SOX6: variants seen among roughly 807,000 people sequenced by gnomAD.
The protein encoded by SOX6 is transcription factor SOX-6.
Under a neutral mutation model 97.8 loss-of-function variants are expected in SOX6, and 11 were observed. The ratio of observed to expected loss-of-function variants is 0.11; its 90% CI spans 0.07 to 0.19. SOX6 has a LOEUF of 0.19. SOX6 is among the 10% of genes least tolerant of loss of function. The pLI is 1.00. For missense variants in SOX6, 810 were observed against 1,039.5 expected (o/e 0.78, Z 3.04); for synonymous variants, 360 against 371.4 (o/e 0.97, Z 0.35).
intron 15 of SOX6, among the ~76,000 whole-genome samples, chr11:15,978,709 C>T (rs1447769110): frequency 2.7e-5 from 4 of 147,010 alleles, no homozygotes; most frequent in Admixed American, 6.8e-5. Context: ...GTAAGCCCTT[C>T]GCTCCTAAAT....
intron 3 of SOX6, among the ~76,000 whole-genome samples, chr11:16,296,388 A>G (rs1855089646): frequency 6.6e-6 from 1 of 152,156 alleles, no homozygotes; most frequent in African/African-American, 2.4e-5. Flanking sequence ...AACAATGCAC[A>G]AGTTGTGTTG....
chr11:16,488,762 G>T (rs1191950557), intron 4 of SOX6, among the ~76,000 whole-genome samples: 1 of 152,166 alleles, frequency 6.6e-6, no homozygotes, highest in Admixed American at 6.5e-5. Flanking sequence ...CACGTGGAGA[G>T]ATCCTGCTTA....
chr11:16,585,319 A>C (rs1848079136), intron 4 of SOX6, among the ~76,000 whole-genome samples: 1 of 152,156 alleles, frequency 6.6e-6, no homozygotes, highest in Admixed American at 6.6e-5. Context: ...CTTATATGAC[A>C]CCTATTCTTA....
At chr11:16,152,799 GC>G (rs1850491952) in intron 6 of SOX6, among the ~76,000 whole-genome samples, 1 of 150,770 alleles carries the variant, frequency 6.6e-6, no homozygotes, top group Non-Finnish European at 1.5e-5. Flanking sequence ...TCACTCTATC[GC>G]CCAGGCGATT....
intron 4 of SOX6, among the ~76,000 whole-genome samples, chr11:16,578,112 C>T (rs1847999916): frequency 1.3e-5 from 2 of 152,060 alleles, no homozygotes; most frequent in Admixed American, 6.6e-5. Flanking sequence ...GAGGAAGGGT[C>T]CAACTTTATT....
chr11:16,195,867 C>T (rs10766301), intron 4 of SOX6, among the ~76,000 whole-genome samples: 47,022 of 152,014 alleles, frequency 0.31, 8,760 homozygotes, highest in Non-Finnish European at 0.41. Flanking sequence ...CCTGCTGCCC[C>T]GGGTGCAGTG....
chr11:16,558,171 A>AT (rs1470965313), intron 4 of SOX6, among the ~76,000 whole-genome samples: 3 of 151,982 alleles, frequency 2.0e-5, no homozygotes, highest in African/African-American at 7.2e-5. Context: ...AATAGTGGTC[A>AT]TAGTAGGACT....
intron 4 of SOX6, among the ~76,000 whole-genome samples, chr11:16,524,413 T>C (rs1372577461): frequency 6.6e-6 from 1 of 152,030 alleles, no homozygotes; most frequent in Non-Finnish European, 1.5e-5. Context: ...AAAAGGCCTT[T>C]GACAAAATTC....
intron 10 of SOX6, among the ~76,000 whole-genome samples, chr11:16,051,675 A>G (rs1847689792): frequency 1.3e-5 from 2 of 152,130 alleles, no homozygotes; most frequent in Admixed American, 6.6e-5. Flanking sequence ...AGGGATTTAT[A>G]TGCTAGGTGT....
rs1860650585 is a variant in SOX6 at position 16,498,635 on chromosome 11, C to CA, written n.610-22248dup. On this transcript the variant is annotated intron_variant and non_coding_transcript_variant, in intron 4 of 5. Coordinates refer to the SOX6 transcript ENST00000524520. ...GAAGATCTACCAAACAAATGGAAAA[C>CA]AAAAAAAGGCAGCAGTTGCAATCCC... Among the ~76,000 whole-genome samples, 4 of 151,728 alleles carry CA rather than the reference C, an allele frequency of 2.6e-5. No homozygotes were observed. In the South Asian group the frequency reaches 8.3e-4, roughly 32 times the overall value.
At chr11:16,215,447 A>G (rs1852346937) in intron 4 of SOX6, among the ~76,000 whole-genome samples, 1 of 152,162 alleles carries the variant, frequency 6.6e-6, no homozygotes, top group African/African-American at 2.4e-5. Flanking sequence ...TAAACACAGA[A>G]ATACATATGC....
chr11:16,159,774 T>G (rs984778868), intron 6 of SOX6, among the ~76,000 whole-genome samples: 1 of 152,286 alleles, frequency 6.6e-6, no homozygotes, highest in Non-Finnish European at 1.5e-5. Flanking sequence ...ACAATCAGAC[T>G]TTTGATAAGT....
chr11:16,576,541 A>C (rs918261654), intron 4 of SOX6, among the ~76,000 whole-genome samples: 4 of 152,238 alleles, frequency 2.6e-5, no homozygotes, highest in African/African-American at 9.6e-5. Context: ...CTGTAATATC[A>C]TAAAATGATG....
intron 3 of SOX6, among the ~76,000 whole-genome samples, chr11:16,617,485 T>G (rs1848486137): frequency 6.6e-6 from 1 of 151,908 alleles, no homozygotes; most frequent in Non-Finnish European, 1.5e-5. Flanking sequence ...TTAACTATGT[T>G]CACTAGAATT....
At position 16,029,529 on chromosome 11, in the gene SOX6, G is replaced by A. The variant is rs551025561; in HGVS notation, c.1624-14479C>T. On this transcript the variant is annotated intron_variant, in intron 12 of 15. Transcript: ENST00000683767. ...CGGGCTCCTGTAATCCGAGGCACTC[G>A]GGAGGCTGAGGCAGGAGAATCACCT... 9.2e-4 allele frequency among the ~76,000 whole-genome samples: 140 copies of A among 152,140 alleles called. 1 individual carries two copies. The highest frequency in any genetic ancestry group is 3.4e-3 in the Middle Eastern group (1 of 294).
At position 16,301,423 on chromosome 11, in the gene SOX6, A is replaced by G. The variant is rs140955350; in HGVS notation, c.445+17023T>C. The stretch of plus-strand genomic sequence containing the variant: ...TATATCTACTATACCATAGTTCTCA[A>G]TTGTTGGTGTGCATCTGAAATACGT... On this transcript the variant is annotated intron_variant, in intron 3 of 15. Coordinates refer to ENST00000683767, the MANE Select transcript of SOX6 (RefSeq NM_001367873.1). 2.3e-4 allele frequency among the ~76,000 whole-genome samples: 35 copies of G among 152,294 alleles called. No homozygotes were observed. The East Asian group carries it at 4.1e-3, about 18-fold the overall frequency.
chr11:16,035,513 C>T (rs1855496625), intron 12 of SOX6, among the ~76,000 whole-genome samples: 1 of 152,116 alleles, frequency 6.6e-6, no homozygotes, highest in Non-Finnish European at 1.5e-5. Flanking sequence ...CAAAGAAAGC[C>T]TCTTAGGAAA....
intron 3 of SOX6, among the ~76,000 whole-genome samples, chr11:16,645,564 G>C (rs974047787): frequency 6.6e-6 from 1 of 152,200 alleles, no homozygotes; most frequent in East Asian, 1.9e-4. Flanking sequence ...TGTCATACCA[G>C]AGCAGGGTGG....
At chr11:16,022,949 A>T (rs1291539698) in intron 12 of SOX6, among the ~76,000 whole-genome samples, 2 of 152,152 alleles carry the variant, frequency 1.3e-5, no homozygotes, top group Non-Finnish European at 2.9e-5. Context: ...CCCTGTTACA[A>T]TAAAATGGAA....
Sources: allele counts gnomAD v4.1 joint callset (sites outside exome capture counted in the v4.1 genomes callset), GRCh38; gene constraint gnomAD v4.1.1; transcripts MANE v1.5; gene names NCBI Gene and HGNC (gene_info 2026-07-23, HGNC 2026-07-21).